The following GRM1 variants were observed in gnomAD, a reference collection of about 807,000 sequenced individuals.
GRM1 encodes the protein glutamate metabotropic receptor 1.
GRM1 carries 33 observed loss-of-function variants against 90.9 expected under a neutral mutation model. The ratio of observed to expected loss-of-function variants is 0.36; its 90% confidence interval spans 0.28 to 0.49. The LOEUF (loss-of-function observed/expected upper bound fraction) is 0.49, where lower values mean the gene tolerates loss of function less well. GRM1 is among the 20% of genes least tolerant of loss of function. The pLI, the probability that GRM1 is intolerant of heterozygous loss-of-function variation, is 0.99. For synonymous variants in GRM1, 700 were observed against 613.2 expected (o/e 1.14, Z -2.09); for missense variants, 1,190 against 1,534.3 (o/e 0.78, Z 3.75).
Position 146,153,837 on chromosome 6 carries a change from A to G in GRM1, c.701-5511A>G, listed in dbSNP as rs562161252. Among the ~76,000 whole-genome samples the G allele has an allele frequency of 4.6e-5, 7 of 152,368 alleles. No homozygotes were observed. The South Asian group carries it at 1.4e-3, about 32-fold the overall frequency. On this transcript the variant is annotated intron_variant, in intron 1 of 7. Coordinates refer to ENST00000282753, the MANE Select transcript of GRM1 (RefSeq NM_001278064.2). ...GAATTGTTCAAACAAGAGCATATAAATAAAGAAATTGGGACAAACATTTCA... is the reference window on the plus strand; with the variant it reads ...GAATTGTTCAAACAAGAGCATATAAGTAAAGAAATTGGGACAAACATTTCA...
At chr6:146,254,991 G>A (rs2114774521) in intron 2 of GRM1, among the ~76,000 whole-genome samples, 1 of 152,258 alleles carries the variant, frequency 6.6e-6, no homozygotes, top group South Asian at 2.1e-4. Flanking sequence ...TTTAAGAGAT[G>A]TGGCATATAA....
chr6:146,137,725 G>T (rs1776677699), intron 1 of GRM1, among the ~76,000 whole-genome samples: 1 of 152,052 alleles, frequency 6.6e-6, no homozygotes, highest in Admixed American at 6.6e-5. Flanking sequence ...GGCTCACATT[G>T]AATTTATAGA....
intron 1 of GRM1, among the ~76,000 whole-genome samples, chr6:146,122,289 T>C (rs770040678): frequency 6.6e-6 from 1 of 152,184 alleles, no homozygotes; most frequent in East Asian, 1.9e-4. Flanking sequence ...TTTTGTAGTA[T>C]TTTTTTCTTC....
intron 7 of GRM1, among the ~76,000 whole-genome samples, chr6:146,431,129 CT>C (rs1778390604): frequency 2.0e-5 from 3 of 152,056 alleles, no homozygotes; most frequent in African/African-American, 7.2e-5. Context: ...TTATTTTATC[CT>C]TGAAAAAAGA....
At chr6:146,255,972 T>C (rs1781463134) in intron 2 of GRM1, among the ~76,000 whole-genome samples, 1 of 152,194 alleles carries the variant, frequency 6.6e-6, no homozygotes, top group Non-Finnish European at 1.5e-5. Flanking sequence ...TGTGACACTA[T>C]TCTGGTGCTT....
chr6:146,241,801 G>T (rs1780874852), intron 2 of GRM1, among the ~76,000 whole-genome samples: 2 of 152,072 alleles, frequency 1.3e-5, no homozygotes, highest in Admixed American at 6.6e-5. Context: ...TTTATATAGA[G>T]ATTTTATATA....
At chr6:146,261,048 C>G (rs1164018751) in intron 2 of GRM1, among the ~76,000 whole-genome samples, 1 of 151,794 alleles carries the variant, frequency 6.6e-6, no homozygotes, top group Admixed American at 6.6e-5. Flanking sequence ...GTCATTCATG[C>G]TGTTATATAA....
chr6:146,350,039 T>TA (rs974828108), intron 3 of GRM1, among the ~76,000 whole-genome samples: 2 of 151,984 alleles, frequency 1.3e-5, no homozygotes, highest in South Asian at 4.2e-4. Flanking sequence ...ACTTTCTCTC[T>TA]AAAAAAACGA....
chr6:146,425,526 CA>C (rs5880676), intron 7 of GRM1, among the ~76,000 whole-genome samples: 42,994 of 152,148 alleles, frequency 0.28, 7,321 homozygotes, highest in Non-Finnish European at 0.39. Flanking sequence ...TTACCCTGGA[CA>C]GTTGTCACCA....
chr6:146,149,368 GC>G (rs1318995202), intron 1 of GRM1, among the ~76,000 whole-genome samples: 5 of 152,174 alleles, frequency 3.3e-5, no homozygotes, highest in African/African-American at 4.8e-5. Flanking sequence ...TTTATAAATA[GC>G]AACATGGGCA....
intron 7 of GRM1, chr6:146,426,446 G>A (rs1778213906): frequency 1.3e-5 from 12 of 894,770 alleles, no homozygotes; most frequent in Non-Finnish European, 2.2e-5. Flanking sequence ...GGAGGTGGAG[G>A]CAATACAGAG....
At chr6:146,225,943 G>A (rs550742271) in intron 2 of GRM1, among the ~76,000 whole-genome samples, 1 of 152,142 alleles carries the variant, frequency 6.6e-6, no homozygotes, top group South Asian at 2.1e-4. Context: ...CAGATGTTTG[G>A]CTTCTGCTTT....
rs572116940 is a variant in GRM1 at position 146,178,503 on chromosome 6, TATACAC to T, written c.950+18910_950+18915del. On this transcript the variant is annotated intron_variant, in intron 2 of 7. Transcript: ENST00000282753. Reference sequence around the variant, plus strand: ...ATTAATTTATGTTTCATATACAACTTATACACATAGCATGAAGGTAATTTCATACAA... The same window carrying T: ...ATTAATTTATGTTTCATATACAACTTATAGCATGAAGGTAATTTCATACAA... 2.8e-4 allele frequency among the ~76,000 whole-genome samples: 42 copies of T among 152,340 alleles called. No homozygotes were observed. The South Asian group carries it at 7.9e-3, about 29-fold the overall frequency.
At chr6:146,170,109 C>G (rs921056993) in intron 2 of GRM1, among the ~76,000 whole-genome samples, 1 of 151,752 alleles carries the variant, frequency 6.6e-6, no homozygotes, top group Non-Finnish European at 1.5e-5. Context: ...GTCTTTTGGC[C>G]TCTTTTGTTT....
chr6:146,067,729 A>T (rs1775893506), intron 1 of GRM1, among the ~76,000 whole-genome samples: 1 of 152,134 alleles, frequency 6.6e-6, no homozygotes, highest in Non-Finnish European at 1.5e-5. Context: ...TTACATTCTT[A>T]AAAAAACAAA....
chr6:146,113,489 C>G (rs1025790708), intron 1 of GRM1, among the ~76,000 whole-genome samples: 1 of 152,050 alleles, frequency 6.6e-6, no homozygotes, highest in Non-Finnish European at 1.5e-5. Context: ...TAATTCAGGC[C>G]CTCCAGAAGA....
In GRM1 at chr6:146,399,693, A is replaced by G. The variant is rs1271548450; in HGVS notation, c.2654A>G (p.Asn885Ser). ...IFRRKKAGAG[N>S]ANSNGKSVSW... ...CGAAGAAAGAAGGCAGGGGCAGGGA[A>G]TGCCAAGTGAGTTATCTGACCTGTT... Residue 885 changes from asparagine to serine, a missense_variant, in exon 7 of 8, where the codon AAT (asparagine) becomes AGT (serine). By Grantham distance (46) the Asn-to-Ser change is conservative. This residue lies in a region of GRM1 where 400 missense variants were observed against 360.8 expected (regional missense o/e 1.11). Coordinates refer to ENST00000282753, the MANE Select transcript of GRM1 (RefSeq NM_001278064.2). The surrounding 1 kb of genome is among the most constrained non-coding windows in gnomAD (Gnocchi z 5.4). 1 of 1,605,174 alleles carries G rather than the reference A, an allele frequency of 6.2e-7. No homozygotes were observed. The highest frequency in any genetic ancestry group is 1.7e-5 in the Admixed American group (1 of 59,872).
intron 1 of GRM1, among the ~76,000 whole-genome samples, chr6:146,060,931 TA>T (rs1386175340): frequency 6.6e-6 from 1 of 152,144 alleles, no homozygotes; most frequent in Non-Finnish European, 1.5e-5. Flanking sequence ...TGACTTTTTA[TA>T]GTAGCCATTC....
At chr6:146,177,037 A>G (rs77413299) in intron 2 of GRM1, among the ~76,000 whole-genome samples, 1 of 152,184 alleles carries the variant, frequency 6.6e-6, no homozygotes, top group East Asian at 1.9e-4. Flanking sequence ...TATTAGCTAC[A>G]CATTTTAGCC....
Sources: gnomAD v4.1 joint callset for allele counts (sites outside exome capture counted in the v4.1 genomes callset) on GRCh38, gnomAD v4.1.1 for gene constraint, gnomAD v4.1.1 regional missense constraint, Gnocchi (gnomAD v3.1) non-coding constraint, MANE v1.5 for transcripts, NCBI Gene and HGNC (gene_info 2026-07-23, HGNC 2026-07-21) for gene names.